RTN3: variants seen among roughly 807,000 people sequenced by gnomAD.
The protein encoded by RTN3 is reticulon-3.
Under a neutral mutation model 77.8 loss-of-function variants are expected in RTN3, and 49 were observed. The observed-to-expected ratio is 0.63, with a 90% confidence interval of 0.50 to 0.80. The LOEUF is 0.80. Among genes scored for constraint, RTN3 ranks in the 30% least tolerant of loss-of-function variants. The pLI is 0.00. For synonymous variants in RTN3, 464 were observed against 446.9 expected (o/e 1.04, Z -0.48); for missense variants, 1,236 against 1,211.9 (o/e 1.02, Z -0.29).
chr11:63,724,425 T>C (rs7113534), intron 3 of RTN3, among the ~76,000 whole-genome samples: 138,138 of 146,946 alleles, frequency 0.94, 64,990 homozygotes, highest in East Asian at 0.99. Flanking sequence ...CCTGGTGATC[T>C]GCCCACCTCG....
At chr11:63,734,082 A>G (rs2012900848) in intron 3 of RTN3, among the ~76,000 whole-genome samples, 2 of 152,172 alleles carry the variant, frequency 1.3e-5, no homozygotes, top group Admixed American at 6.5e-5. Flanking sequence ...AGTCTAATAA[A>G]CAGCATCTGT....
chr11:63,735,550 T>TTTTCTCTCTCTCTC (rs2013033833), intron 3 of RTN3, among the ~76,000 whole-genome samples: 1 of 42,686 alleles, frequency 2.3e-5, no homozygotes, highest in Non-Finnish European at 4.2e-5. Flanking sequence ...ATTCTAACAT[T>TTTTCTCTCTCTCTC]TCTCTCTCTC....
At chr11:63,756,237 T>G (rs761251009) in intron 8 of RTN3, 67 bp downstream of exon 8, 39 of 1,059,342 alleles carry the variant, frequency 3.7e-5, no homozygotes, top group Admixed American at 7.8e-5. Context: ...CTTTAGTCCC[T>G]TGTACAAAAT....
intron 1 of RTN3, among the ~76,000 whole-genome samples, chr11:63,683,468 GT>G (rs1459899366): frequency 6.6e-6 from 1 of 152,192 alleles, no homozygotes; most frequent in Non-Finnish European, 1.5e-5. Context: ...TAAGACAGAT[GT>G]TAAGTGTTGA....
At chr11:63,701,735 C>T (rs1389954877) in intron 1 of RTN3, among the ~76,000 whole-genome samples, 1 of 152,054 alleles carries the variant, frequency 6.6e-6, no homozygotes, top group Non-Finnish European at 1.5e-5. Flanking sequence ...TGCTTGAGCC[C>T]AGGAGTTCAA....
intron 3 of RTN3, among the ~76,000 whole-genome samples, chr11:63,740,986 A>G (rs1487532156): frequency 6.6e-6 from 1 of 152,100 alleles, no homozygotes; most frequent in African/African-American, 2.4e-5. Context: ...GACCCGATGC[A>G]CAGAGAGATT....
At chr11:63,756,012 C>T (rs2014364369) in intron 7 of RTN3, 100 bp from the exon 8 acceptor site, 5 of 819,676 alleles carry the variant, frequency 6.1e-6, no homozygotes, top group Non-Finnish European at 8.5e-6. Context: ...ACTGGTCAGT[C>T]GTGTTTAAAA....
intron 2 of RTN3, among the ~76,000 whole-genome samples, chr11:63,711,965 G>C (rs1291913993): frequency 1.3e-5 from 2 of 152,186 alleles, no homozygotes; most frequent in African/African-American, 2.4e-5. Context: ...CCAGAGTGTT[G>C]ACATTACAGG....
At chr11:63,686,018 T>C (rs1941351692) in intron 1 of RTN3, among the ~76,000 whole-genome samples, 1 of 152,148 alleles carries the variant, frequency 6.6e-6, no homozygotes, top group Admixed American at 6.6e-5. Context: ...AAACTGAAGA[T>C]ATCAGAGGCA....
At chr11:63,707,661 C>T (rs1942564158) in intron 2 of RTN3, among the ~76,000 whole-genome samples, 1 of 151,982 alleles carries the variant, frequency 6.6e-6, no homozygotes, top group Non-Finnish European at 1.5e-5. Context: ...TGGCAAAATC[C>T]CGTCTCTACT....
In RTN3 at chr11:63,720,299, T is replaced by A; in HGVS notation, c.1797T>A (p.Ala599=). Residue 599 remains alanine (A), a synonymous_variant, in exon 3 of 9, where the codon GCT becomes GCA. Transcript: ENST00000377819. ...CCTTAGAAGATGTGAGTGAAGTTGC[T>A]CCTGAAAAGCCTATTACTACTGAGA... ...NVSLEDVSEV[A]PEKPITTENP... 1 of 1,613,194 alleles carries A rather than the reference T, an allele frequency of 6.2e-7. No individual in the cohort carries two copies. The highest frequency in any genetic ancestry group is 8.5e-7 in the Non-Finnish European group (1 of 1,179,588).
chr11:63,695,710 A>G (rs1289508612), intron 1 of RTN3, among the ~76,000 whole-genome samples: 1 of 152,212 alleles, frequency 6.6e-6, no homozygotes, highest in Non-Finnish European at 1.5e-5. Flanking sequence ...AAATTGAGGG[A>G]CATTCTGTAA....
At chr11:63,714,330 A>G (rs2011272351) in intron 2 of RTN3, 1 of 318,184 alleles carries the variant, frequency 3.1e-6, no homozygotes, top group Admixed American at 4.3e-5. Context: ...TCACTGAGAA[A>G]TGAATGCAGC....
intron 1 of RTN3, among the ~76,000 whole-genome samples, chr11:63,688,263 G>A (rs1272073352): frequency 3.6e-5 from 5 of 140,008 alleles, no homozygotes; most frequent in East Asian, 2.0e-4. Context: ...TCGCTCTGTC[G>A]CCCAGGCGGG....
intron 1 of RTN3, among the ~76,000 whole-genome samples, chr11:63,691,448 G>A (rs1035508010): frequency 9.9e-5 from 15 of 151,998 alleles, no homozygotes; most frequent in Admixed American, 6.6e-4. Flanking sequence ...ATAGAGACGA[G>A]GTCTCACTAT....
At chr11:63,714,227 A>G (rs1164642685) in intron 2 of RTN3, 1 of 356,272 alleles carries the variant, frequency 2.8e-6, no homozygotes, top group African/African-American at 2.1e-5. Context: ...AAACAAAATA[A>G]TTAAAGTTAA....
chr11:63,720,415 TA>T lies in RTN3; in HGVS notation c.1914del (p.Leu638PhefsTer9), dbSNP rs748639290. Reference protein sequence around the residue: ...NVTTSAYLESLHGKNVKHIDD... With the variant: ...NVTTSAYLESXHGKNVKHIDD... The stretch of plus-strand genomic sequence containing the variant: ...ACAACATCTGCCTATTTGGAGTCAT[TA>T]CATGGGAAAAATGTTAAACATATAG... On this transcript the variant is annotated frameshift_variant, in exon 3 of 9. Coordinates refer to ENST00000377819, the MANE Select transcript of RTN3 (RefSeq NM_001265589.2). LOFTEE classifies it high-confidence loss of function. 6.2e-7 allele frequency: 1 copy of T among 1,613,834 alleles called. No individual in the cohort carries two copies. Among genetic ancestry groups the T allele is most frequent in the Admixed American group, 1.7e-5 (1 of 59,980 alleles).
In RTN3 at chr11:63,719,197, A is replaced by G. The variant is rs757344452; in HGVS notation, c.695A>G (p.Lys232Arg). The G allele has an allele frequency of 3.7e-6, 6 of 1,614,062 alleles. No homozygotes were observed. The highest frequency in any genetic ancestry group is 5.1e-6 in the Non-Finnish European group (6 of 1,180,034). The change falls in exon 3 of 9, where the codon AAA becomes AGA. Residue 232 changes from lysine to arginine, a missense_variant. Coordinates refer to ENST00000377819, the MANE Select transcript of RTN3 (RefSeq NM_001265589.2). ...TATACATATTCTTTGTCTCCATCCA[A>G]AGTTTCAGGAGATGATGTTATTGAA... ...GIYTYSLSPS[K>R]VSGDDVIEKD... is the part of the protein sequence containing the mutation.
chr11:63,689,528 A>G (rs1353338629), intron 1 of RTN3, among the ~76,000 whole-genome samples: 1 of 152,140 alleles, frequency 6.6e-6, no homozygotes, highest in Non-Finnish European at 1.5e-5. Flanking sequence ...ATCTCTTTAA[A>G]TACTGTAACG....
Sources: allele counts gnomAD v4.1 joint callset (sites outside exome capture counted in the v4.1 genomes callset), GRCh38; gene constraint gnomAD v4.1.1; transcripts MANE v1.5; gene names NCBI Gene and HGNC (gene_info 2026-07-23, HGNC 2026-07-21).